The following SORCS2 variants were observed in gnomAD, a reference collection of about 807,000 sequenced individuals.
The protein encoded by SORCS2 is VPS10 domain-containing receptor SorCS2.
In SORCS2, 100 loss-of-function variants were observed where a neutral mutation model predicts 141.6. The observed-to-expected ratio is 0.71, with a 90% CI of 0.60 to 0.83. The LOEUF is 0.83. Among genes scored for constraint, SORCS2 ranks in the 40% least tolerant of loss-of-function variants. The pLI, the probability that SORCS2 is intolerant of heterozygous loss-of-function variation, is 0.00. For missense variants in SORCS2, 1,646 were observed against 1,560.2 expected, an observed-to-expected ratio of 1.05 and a Z score of -0.93; for synonymous variants, 789 against 676.9, an observed-to-expected ratio of 1.17 and a Z score of -2.57.
chr4:7,465,957 T>TGGGGCA (rs977796887), intron 2 of SORCS2, among the ~76,000 whole-genome samples: 3 of 152,156 alleles, frequency 2.0e-5, no homozygotes, highest in African/African-American at 7.2e-5. Flanking sequence ...GCAGAAGGCC[T>TGGGGCA]GGGGCAGGGG....
chr4:7,408,454 A>G (rs1269695049), intron 2 of SORCS2, among the ~76,000 whole-genome samples: 2 of 151,408 alleles, frequency 1.3e-5, no homozygotes, highest in African/African-American at 2.4e-5. Flanking sequence ...ATTTCCTTTG[A>G]GAAGTCTGTT....
intron 1 of SORCS2, among the ~76,000 whole-genome samples, chr4:7,373,274 A>G (rs1560228161): frequency 6.6e-6 from 1 of 150,888 alleles, no homozygotes; most frequent in African/African-American, 2.4e-5. Flanking sequence ...AGTCATTCTA[A>G]TAAGTGTGTA....
intron 1 of SORCS2, among the ~76,000 whole-genome samples, chr4:7,315,521 G>A (rs1178546452): frequency 6.9e-6 from 1 of 144,376 alleles, no homozygotes; most frequent in Admixed American, 6.8e-5. Flanking sequence ...TCCTGGACCT[G>A]GAGTAGCCCA....
At chr4:7,221,642 G>A (rs1230610949) in intron 1 of SORCS2, among the ~76,000 whole-genome samples, 2 of 152,216 alleles carry the variant, frequency 1.3e-5, no homozygotes, top group African/African-American at 2.4e-5. Context: ...CGGAGAAACA[G>A]CGAAGGAAAG....
intron 14 of SORCS2, among the ~76,000 whole-genome samples, chr4:7,709,951 C>A (rs1725716366): frequency 1.3e-5 from 2 of 152,164 alleles, no homozygotes; most frequent in Admixed American, 6.5e-5. Context: ...TCGTTACCTG[C>A]AAAGTAATAT....
At chr4:7,612,930 G>A (rs943313470) in intron 3 of SORCS2, among the ~76,000 whole-genome samples, 18 of 80,748 alleles carry the variant, frequency 2.2e-4, no homozygotes, top group African/African-American at 4.6e-4. Context: ...GGGAGGAGAC[G>A]CCATTCTTCG....
intron 2 of SORCS2, 86 bp downstream of exon 2, chr4:7,396,441 C>T: frequency 7.2e-7 from 1 of 1,396,254 alleles, no homozygotes; most frequent in Admixed American, 2.0e-5. Flanking sequence ...GATCCAAACA[C>T]CTCACTGTGG....
At chr4:7,727,008 G>T in intron 21 of SORCS2, 105 bp downstream of exon 21, 2 of 1,376,602 alleles carry the variant, frequency 1.5e-6, no homozygotes, top group Non-Finnish European at 9.7e-7. Flanking sequence ...TGGTCACCCT[G>T]AGTGGCCCTG....
intron 1 of SORCS2, among the ~76,000 whole-genome samples, chr4:7,324,538 C>T (rs983450558): frequency 2.0e-5 from 3 of 152,174 alleles, no homozygotes; most frequent in African/African-American, 7.2e-5. Context: ...TGTGATTCAC[C>T]CCTGCCGTGC....
At chr4:7,288,063 G>A (rs1464905163) in intron 1 of SORCS2, among the ~76,000 whole-genome samples, 1 of 152,154 alleles carries the variant, frequency 6.6e-6, no homozygotes. Flanking sequence ...CATGCCATGC[G>A]GCCTCCTCCG....
At chr4:7,598,607 T>C (rs375436196) in intron 3 of SORCS2, among the ~76,000 whole-genome samples, 59 of 152,244 alleles carry the variant, frequency 3.9e-4, no homozygotes, top group African/African-American at 1.3e-3. Flanking sequence ...GCAGGAGGCA[T>C]GGGAAGAGGA....
At chr4:7,432,526 G>A in intron 2 of SORCS2, 1 of 152,262 alleles carries the variant, frequency 6.6e-6, no homozygotes, top group Non-Finnish European at 1.5e-5. Flanking sequence ...CATCCCGGTG[G>A]CCACCCCAGA....
chr4:7,322,485 C>T (rs755337227), intron 1 of SORCS2, among the ~76,000 whole-genome samples: 20 of 152,222 alleles, frequency 1.3e-4, no homozygotes, highest in Non-Finnish European at 2.5e-4. Flanking sequence ...CAGAGTTGGC[C>T]TCATCTCCGC....
At chr4:7,330,789 G>T (rs1719606312) in intron 1 of SORCS2, among the ~76,000 whole-genome samples, 1 of 151,880 alleles carries the variant, frequency 6.6e-6, no homozygotes, top group African/African-American at 2.4e-5. Flanking sequence ...CATTCCTGAG[G>T]TCTCTCAGTG....
intron 2 of SORCS2, among the ~76,000 whole-genome samples, chr4:7,421,905 A>AGGGGCTGGGGC (rs909853498): frequency 2.2e-5 from 2 of 91,948 alleles, no homozygotes; most frequent in East Asian, 7.5e-4. Context: ...GAGGGAGGGC[A>AGGGGCTGGGGC]GGGGCTGGGG....
intron 2 of SORCS2, among the ~76,000 whole-genome samples, chr4:7,507,671 C>T (rs1732355665): frequency 6.6e-6 from 1 of 152,088 alleles, no homozygotes; most frequent in Non-Finnish European, 1.5e-5. Context: ...CGGACAGACG[C>T]TGGGAAGGAA....
At chr4:7,679,195 CCAG>C (rs1723355608) in intron 9 of SORCS2, among the ~76,000 whole-genome samples, 1 of 152,126 alleles carries the variant, frequency 6.6e-6, no homozygotes. Context: ...GGTCTCTCCC[CCAG>C]CAGGGCACAA....
At chr4:7,644,112 G>C (rs1219211154) in intron 4 of SORCS2, among the ~76,000 whole-genome samples, 1 of 152,210 alleles carries the variant, frequency 6.6e-6, no homozygotes, top group African/African-American at 2.4e-5. Context: ...AGATAAGGGA[G>C]AGGGTTTTAC....
At chr4:7,629,535 G>C (rs1202629384) in intron 3 of SORCS2, among the ~76,000 whole-genome samples, 6 of 152,012 alleles carry the variant, frequency 3.9e-5, no homozygotes, top group Non-Finnish European at 7.4e-5. Context: ...CTCACCCCTG[G>C]CCACTCTCCA....
Sources: allele counts gnomAD v4.1 joint callset (sites outside exome capture counted in the v4.1 genomes callset), GRCh38; gene constraint gnomAD v4.1.1; transcripts MANE v1.5; gene names NCBI Gene and HGNC (gene_info 2026-07-23, HGNC 2026-07-21).